ARID5B: variants seen among roughly 807,000 people sequenced by gnomAD.
ARID5B encodes the protein AT-rich interaction domain 5B.
In ARID5B, 13 loss-of-function variants were observed where a neutral mutation model predicts 97.2. That is an observed-to-expected ratio of 0.13 (90% CI 0.09 to 0.21). ARID5B has a LOEUF of 0.21. ARID5B is among the 10% of genes least tolerant of loss of function. The pLI is 1.00. For synonymous variants in ARID5B, 556 were observed against 570.3 expected, an observed-to-expected ratio of 0.97 and a Z score of 0.36; for missense variants, 1,210 against 1,465.3, an observed-to-expected ratio of 0.83 and a Z score of 2.84.
At chr10:61,956,228 T>C (rs368991026) in intron 3 of ARID5B, among the ~76,000 whole-genome samples, 2 of 152,318 alleles carry the variant, frequency 1.3e-5, no homozygotes, top group East Asian at 1.9e-4. Flanking sequence ...AAATCAGTAG[T>C]GGCATTAGAT....
At chr10:61,997,823 G>A (rs551562960) in intron 3 of ARID5B, among the ~76,000 whole-genome samples, 1 of 152,236 alleles carries the variant, frequency 6.6e-6, no homozygotes, top group East Asian at 1.9e-4. Context: ...CTGGAGAAAC[G>A]ACCGCATTTG....
intron 2 of ARID5B, among the ~76,000 whole-genome samples, chr10:61,927,786 T>C (rs1844132666): frequency 6.6e-6 from 1 of 152,358 alleles, no homozygotes; most frequent in Middle Eastern, 3.4e-3. Context: ...CAGCATCTTT[T>C]GATATCATCA....
chr10:62,077,349 TAAAC>T (rs1840151249), intron 8 of ARID5B, among the ~76,000 whole-genome samples: 1 of 152,134 alleles, frequency 6.6e-6, no homozygotes, highest in Non-Finnish European at 1.5e-5. Context: ...TTTAAAAAAA[TAAAC>T]AACAGCCTTT....
intron 2 of ARID5B, 52 bp downstream of exon 2, chr10:61,902,465 TA>T (rs755775559): frequency 6.3e-7 from 1 of 1,596,500 alleles, no homozygotes; most frequent in Non-Finnish European, 8.5e-7. Context: ...TTCCCCCTAG[TA>T]ATGCTTATTA....
At chr10:61,904,270 C>CA (rs200733376) in intron 2 of ARID5B, among the ~76,000 whole-genome samples, 1 of 151,974 alleles carries the variant, frequency 6.6e-6, no homozygotes, top group Admixed American at 6.6e-5. Context: ...TGTGGTCACT[C>CA]TTTTTTGGGG....
In ARID5B at chr10:62,051,005, G is replaced by T. The variant is rs576995601; in HGVS notation, c.846+5G>T. Reference sequence around the variant, plus strand: ...GATGGCAAAGCCGTTGCCAAGGTACGGTCATTCACTCCACGGTATTCATTT... The same window carrying T: ...GATGGCAAAGCCGTTGCCAAGGTACTGTCATTCACTCCACGGTATTCATTT... On this transcript the variant is annotated splice_donor_5th_base_variant and intron_variant, in intron 5 of 9. Coordinates refer to ENST00000279873, the MANE Select transcript of ARID5B (RefSeq NM_032199.3). 1 of 1,604,006 alleles carries T rather than the reference G, an allele frequency of 6.2e-7. No homozygotes were observed. Among genetic ancestry groups the T allele is most frequent in the African/African-American group, 1.3e-5 (1 of 74,800 alleles).
intron 4 of ARID5B, among the ~76,000 whole-genome samples, chr10:62,012,639 A>G (rs1401213197): frequency 6.6e-6 from 1 of 152,234 alleles, no homozygotes; most frequent in Non-Finnish European, 1.5e-5. Flanking sequence ...TGGTATGCTT[A>G]TCTACTCTGT....
intron 4 of ARID5B, among the ~76,000 whole-genome samples, chr10:62,036,805 C>G (rs1839570918): frequency 1.3e-5 from 2 of 152,200 alleles, no homozygotes; most frequent in African/African-American, 4.8e-5. Context: ...AGCTCTGCTA[C>G]TCACTGGGTG....
Position 62,091,334 on chromosome 10 carries a change from C to G in ARID5B, c.1871C>G (p.Ala624Gly). ...DKLPAMADYI[A>G]NCTVKVDQLG... ...CTGCCCGCCATGGCAGATTACATTG[C>G]CAACTGCACCGTGAAGGTGGACCAG... Residue 624 changes from alanine to glycine, a missense_variant, in exon 10 of 10, where the codon GCC becomes GGC. By Grantham distance (60) the Ala-to-Gly change is moderately conservative. Transcript: ENST00000279873. The G allele has an allele frequency of 6.2e-7, 1 of 1,614,184 alleles. No homozygotes were observed.
intron 3 of ARID5B, among the ~76,000 whole-genome samples, chr10:61,943,295 T>G (rs1284906961): frequency 6.6e-6 from 1 of 152,204 alleles, no homozygotes; most frequent in Non-Finnish European, 1.5e-5. Context: ...TCTGTACTTT[T>G]CTTTCTCCGC....
intron 5 of ARID5B, among the ~76,000 whole-genome samples, chr10:62,053,411 G>A (rs1330767580): frequency 6.6e-6 from 1 of 152,172 alleles, no homozygotes; most frequent in East Asian, 1.9e-4. Context: ...CCCTCAATGA[G>A]AACATGAAAA....
chr10:62,055,152 G>A (rs961065262), intron 5 of ARID5B, among the ~76,000 whole-genome samples: 2 of 152,130 alleles, frequency 1.3e-5, no homozygotes, highest in African/African-American at 4.8e-5. Flanking sequence ...CGTAATGCCT[G>A]GTAATAAGAT....
intron 8 of ARID5B, among the ~76,000 whole-genome samples, chr10:62,076,774 C>A (rs1840142895): frequency 6.6e-6 from 1 of 152,092 alleles, no homozygotes; most frequent in Admixed American, 6.5e-5. Flanking sequence ...TGTAGTTTAT[C>A]CTCTCATGTC....
At chr10:61,991,692 A>T (rs1838927546) in intron 3 of ARID5B, among the ~76,000 whole-genome samples, 1 of 152,100 alleles carries the variant, frequency 6.6e-6, no homozygotes, top group Admixed American at 6.6e-5. Flanking sequence ...CCAGTTGTCT[A>T]TTGTTTGTTG....
At chr10:61,938,963 A>AAG (rs1844352137) in intron 2 of ARID5B, among the ~76,000 whole-genome samples, 1 of 78,110 alleles carries the variant, frequency 1.3e-5, no homozygotes, top group African/African-American at 4.6e-5. Context: ...CGAATTGGAG[A>AAG]AGTGTGTGTG....
rs1840363889 is a variant in ARID5B at position 62,091,102 on chromosome 10, C to T, written c.1639C>T (p.Leu547=). 2 of 1,614,128 alleles carry T rather than the reference C, an allele frequency of 1.2e-6. No individual in the cohort carries two copies. Among genetic ancestry groups the T allele is most frequent in the Non-Finnish European group, 1.7e-6 (2 of 1,180,012 alleles). ...CACACCTCCACTCCCAAGTGCTCCT[C>T]TGGCCCCAGAAAAAGATTCAGCCTT... is the stretch of plus-strand genomic sequence containing the variant. ...GPTPPLPSAP[L]APEKDSALVP... The change falls in exon 10 of 10, where the codon CTG becomes TTG. Residue 547 remains leucine (L), a synonymous_variant. Coordinates refer to ENST00000279873, the MANE Select transcript of ARID5B (RefSeq NM_032199.3).
chr10:61,930,613 G>C (rs866521025), intron 2 of ARID5B, among the ~76,000 whole-genome samples: 1 of 151,818 alleles, frequency 6.6e-6, no homozygotes, highest in Non-Finnish European at 1.5e-5. Flanking sequence ...CCAGCTACTC[G>C]GGAGGCTGAG....
chr10:62,082,767 T>A (rs919371655), intron 8 of ARID5B, among the ~76,000 whole-genome samples: 2 of 152,178 alleles, frequency 1.3e-5, no homozygotes, highest in Non-Finnish European at 2.9e-5. Flanking sequence ...AATAATCATA[T>A]GATAAGATCA....
chr10:62,087,155 C>G (rs1456224786), intron 9 of ARID5B, among the ~76,000 whole-genome samples: 1 of 151,428 alleles, frequency 6.6e-6, no homozygotes, highest in Non-Finnish European at 1.5e-5. Flanking sequence ...AAAAATTAGC[C>G]AGGCGTGGTG....
Sources: allele counts gnomAD v4.1 joint callset (sites outside exome capture counted in the v4.1 genomes callset), GRCh38; gene constraint gnomAD v4.1.1; transcripts MANE v1.5; gene names NCBI Gene and HGNC (gene_info 2026-07-23, HGNC 2026-07-21).